Variants in SPRED2 observed in about 807,000 individuals in gnomAD.
The protein encoded by SPRED2 is sprouty related EVH1 domain containing 2, also known as sprouty-related, EVH1 domain-containing protein 2.
SPRED2 carries 47 observed loss-of-function variants against 43.0 expected under a neutral mutation model. The observed-to-expected ratio is 1.09, with a 90% CI of 0.87 to 1.40. The LOEUF is 1.40. Among genes scored for constraint, SPRED2 ranks in the 40% most tolerant of loss-of-function variants. The pLI, the probability that SPRED2 is intolerant of heterozygous loss-of-function variation, is 0.00. For synonymous variants in SPRED2, 225 were observed against 225.7 expected (o/e 1.00, Z 0.03); for missense variants, 561 against 586.4 (o/e 0.96, Z 0.45).
chr2:65,350,654 A>G (rs1674481186), intron 1 of SPRED2, among the ~76,000 whole-genome samples: 1 of 152,234 alleles, frequency 6.6e-6, no homozygotes, highest in Non-Finnish European at 1.5e-5. Flanking sequence ...GCAATATGCA[A>G]AAGAGGCAGG....
chr2:65,431,227 A>G (rs1676679752), intron 1 of SPRED2, among the ~76,000 whole-genome samples: 1 of 150,788 alleles, frequency 6.6e-6, no homozygotes, highest in Admixed American at 6.6e-5. Flanking sequence ...ACACACACAC[A>G]CACGCGCGCC....
chr2:65,332,109 C>T (rs1673830596), intron 3 of SPRED2, 58 bp from the exon 4 acceptor site: 2 of 1,144,092 alleles, frequency 1.7e-6, no homozygotes, highest in Non-Finnish European at 2.5e-6. Flanking sequence ...CAAATCCAAC[C>T]GTTTAAAAAA....
At chr2:65,387,099 C>T (rs1054440670) in intron 1 of SPRED2, among the ~76,000 whole-genome samples, 1 of 152,082 alleles carries the variant, frequency 6.6e-6, no homozygotes. Flanking sequence ...GTGGGGCTCT[C>T]ACAGTATTGA....
At chr2:65,377,675 T>C (rs777363116) in intron 1 of SPRED2, 3 of 471,132 alleles carry the variant, frequency 6.4e-6, no homozygotes, top group African/African-American at 2.0e-5. Context: ...TAAGACTGCA[T>C]AGAGCCATCT....
rs1031050972 is a variant in SPRED2, at chr2:65,313,255, C to A, written c.*246G>T. The A allele has an allele frequency of 2.4e-5, 31 of 1,298,452 alleles. No homozygotes were observed. The African/African-American group carries it at 4.6e-4, about 19-fold the overall frequency. 80.4% of individuals were successfully genotyped at this position (1,298,452 alleles called of 1,614,324 possible). On this transcript the variant is annotated 3_prime_UTR_variant, in exon 6 of 6. Coordinates refer to ENST00000356388, the MANE Select transcript of SPRED2 (RefSeq NM_181784.3). ...GTACAGGAGTCTGTGGCGAAGGTTC[C>A]TTCCTCAGAACACTGTGCGAGCGTG...
intron 1 of SPRED2, among the ~76,000 whole-genome samples, chr2:65,345,359 G>T (rs1451337430): frequency 6.7e-6 from 1 of 148,874 alleles, no homozygotes; most frequent in Non-Finnish European, 1.5e-5. Flanking sequence ...CGCCTCCCGG[G>T]TTCAAGCGAT....
chr2:65,408,305 A>G (rs1032177294), intron 1 of SPRED2, among the ~76,000 whole-genome samples: 2 of 152,230 alleles, frequency 1.3e-5, no homozygotes, highest in African/African-American at 4.8e-5. Context: ...GCCTCATACT[A>G]TGAGTCCTAT....
At chr2:65,352,353 G>C (rs1674535660) in intron 1 of SPRED2, among the ~76,000 whole-genome samples, 1 of 152,200 alleles carries the variant, frequency 6.6e-6, no homozygotes, top group African/African-American at 2.4e-5. Flanking sequence ...TTAACAACAG[G>C]CTTCTCCACA....
chr2:65,325,723 C>A (rs1326240984), intron 4 of SPRED2, among the ~76,000 whole-genome samples: 1 of 152,096 alleles, frequency 6.6e-6, no homozygotes, highest in Non-Finnish European at 1.5e-5. Flanking sequence ...TATGGATCAC[C>A]TGAGGTCAGG....
At chr2:65,405,751 A>G (rs1284735486) in intron 1 of SPRED2, among the ~76,000 whole-genome samples, 1 of 152,124 alleles carries the variant, frequency 6.6e-6, no homozygotes, top group African/African-American at 2.4e-5. Context: ...CAAGTATAGT[A>G]ATTACATTTC....
intron 1 of SPRED2, among the ~76,000 whole-genome samples, chr2:65,405,752 A>C (rs979874356): frequency 2.0e-5 from 3 of 152,124 alleles, no homozygotes; most frequent in Non-Finnish European, 4.4e-5. Context: ...AAGTATAGTA[A>C]TTACATTTCT....
intron 1 of SPRED2, among the ~76,000 whole-genome samples, chr2:65,364,733 T>C (rs1255360066): frequency 1.3e-5 from 2 of 152,200 alleles, no homozygotes; most frequent in Admixed American, 1.3e-4. Context: ...AATGTTTTTT[T>C]TATCCCTGAC....
intron 1 of SPRED2, among the ~76,000 whole-genome samples, chr2:65,382,316 G>GA (rs1405612619): frequency 6.7e-6 from 1 of 148,448 alleles, no homozygotes; most frequent in Non-Finnish European, 1.5e-5. Flanking sequence ...AGAAGAAGAA[G>GA]AAAAAAAAGC....
chr2:65,348,319 T>C (rs752609055), intron 1 of SPRED2, among the ~76,000 whole-genome samples: 1 of 152,228 alleles, frequency 6.6e-6, no homozygotes, highest in East Asian at 1.9e-4. Flanking sequence ...TTTGGCTTTC[T>C]ATATGCTACT....
At chr2:65,414,450 T>G (rs536285395) in intron 1 of SPRED2, among the ~76,000 whole-genome samples, 4 of 152,340 alleles carry the variant, frequency 2.6e-5, no homozygotes, top group Admixed American at 2.6e-4. Context: ...CCTGCTGCCT[T>G]TGAGAACCAC....
At chr2:65,327,271 G>A (rs1483166915) in intron 4 of SPRED2, among the ~76,000 whole-genome samples, 1 of 152,146 alleles carries the variant, frequency 6.6e-6, no homozygotes, top group Admixed American at 6.5e-5. Context: ...TGGGTTTCAA[G>A]TAACCTTGAA....
At chr2:65,399,138 C>T (rs888487762) in intron 1 of SPRED2, among the ~76,000 whole-genome samples, 2 of 151,618 alleles carry the variant, frequency 1.3e-5, no homozygotes, top group South Asian at 2.1e-4. Flanking sequence ...GGTGTGGTGG[C>T]GGGCGCCTGT....
intron 1 of SPRED2, among the ~76,000 whole-genome samples, chr2:65,402,303 A>ACC (rs1558685955): frequency 7.4e-6 from 1 of 135,568 alleles, no homozygotes. Flanking sequence ...AAAAAAAAAA[A>ACC]AACCAAAAAC....
chr2:65,404,282 T>C (rs1675972909), intron 1 of SPRED2, among the ~76,000 whole-genome samples: 1 of 152,086 alleles, frequency 6.6e-6, no homozygotes, highest in South Asian at 2.1e-4. Flanking sequence ...TTAAGAATTA[T>C]GTGTAGGCAG....
Sources: allele counts gnomAD v4.1 joint callset (sites outside exome capture counted in the v4.1 genomes callset), GRCh38; gene constraint gnomAD v4.1.1; transcripts MANE v1.5; gene names NCBI Gene and HGNC (gene_info 2026-07-23, HGNC 2026-07-21).